Variants in HTR2C observed in about 807,000 individuals in gnomAD.
The protein encoded by HTR2C is 5-hydroxytryptamine (serotonin) receptor 2C, G protein-coupled.
A neutral mutation model predicts 21.0 loss-of-function variants in HTR2C; 5 were observed. That is an observed-to-expected ratio of 0.24 (90% confidence interval 0.12 to 0.50). The LOEUF (loss-of-function observed/expected upper bound fraction) is 0.50, where lower values mean the gene tolerates loss of function less well. HTR2C is among the 20% of genes least tolerant of loss of function. The pLI, the probability that HTR2C is intolerant of heterozygous loss-of-function variation, is 0.98. For synonymous variants in HTR2C, 150 were observed against 145.3 expected (o/e 1.03, Z -0.23); for missense variants, 271 against 371.2 (o/e 0.73, Z 2.22).
chrX:114,826,597 T>A (rs1255201262), intron 4 of HTR2C, among the ~76,000 whole-genome samples: 1 of 112,141 alleles, frequency 8.9e-6, no homozygotes, highest in Non-Finnish European at 1.9e-5. Context: ...TTCCAAAATA[T>A]CAAAATGTCC....
chrX:114,897,959 C>A lies in HTR2C; in HGVS notation c.551-8630C>A, dbSNP rs1046146415. Among the ~76,000 whole-genome samples the A allele has an allele frequency of 5.3e-5, 6 of 112,259 alleles. No individual in the cohort carries two copies. The Admixed American group carries it at 5.6e-4, about 11-fold the overall frequency. On this transcript the variant is annotated intron_variant, in intron 5 of 5. Transcript: ENST00000276198. The stretch of plus-strand genomic sequence containing the variant: ...GCTGTGTTGAGTGGTATTTCTGCCT[C>A]TGGGTCTTTAAGGAATCACCACACT...
intron 4 of HTR2C, among the ~76,000 whole-genome samples, chrX:114,809,049 C>G (rs1384778878): frequency 9.0e-6 from 1 of 110,865 alleles, no homozygotes; most frequent in Non-Finnish European, 1.9e-5. Flanking sequence ...TATTTGATGA[C>G]AAATCCAGCC....
chrX:114,857,936 T>G (rs1452982166), intron 5 of HTR2C, among the ~76,000 whole-genome samples: 1 of 111,302 alleles, frequency 9.0e-6, no homozygotes, highest in Admixed American at 9.6e-5. Context: ...AATATCCAGT[T>G]GACTCAGCAT....
intron 4 of HTR2C, among the ~76,000 whole-genome samples, chrX:114,799,060 C>G (rs2070322351): frequency 9.2e-6 from 1 of 109,009 alleles, no homozygotes; most frequent in African/African-American, 3.3e-5. Context: ...AAATAAAAAG[C>G]AATGCAGAGT....
chrX:114,844,893 A>G (rs1341360515), intron 4 of HTR2C, among the ~76,000 whole-genome samples: 1 of 111,814 alleles, frequency 8.9e-6, no homozygotes, highest in Non-Finnish European at 1.9e-5. Flanking sequence ...TTAATGGGAG[A>G]AAAAGGTAGA....
intron 1 of HTR2C, among the ~76,000 whole-genome samples, chrX:114,597,218 C>CAA (rs782280036): frequency 0.015 from 670 of 44,114 alleles, 8 homozygotes; most frequent in African/African-American, 0.056. Flanking sequence ...ATTTCATCTC[C>CAA]AAAAAAAAAA....
intron 2 of HTR2C, among the ~76,000 whole-genome samples, chrX:114,716,882 T>C (rs1346678213): frequency 1.5e-4 from 17 of 111,465 alleles, no homozygotes; most frequent in African/African-American, 5.5e-4. Context: ...TTATGGCTAA[T>C]TCATTTTTGA....
At chrX:114,652,710 G>A (rs782478694) in intron 2 of HTR2C, 1 of 378,789 alleles carries the variant, frequency 2.6e-6, no homozygotes, top group East Asian at 7.6e-5. Flanking sequence ...TCTTATTTGA[G>A]CACCTGTTAT....
chrX:114,665,041 C>T (rs1323644325), intron 2 of HTR2C, among the ~76,000 whole-genome samples: 3 of 111,970 alleles, frequency 2.7e-5, no homozygotes, highest in African/African-American at 9.7e-5. Flanking sequence ...ATTCATGTAT[C>T]GCAAATAGAA....
intron 1 of HTR2C, among the ~76,000 whole-genome samples, chrX:114,603,510 AGTT>A (rs1303544834): frequency 5.7e-5 from 6 of 105,457 alleles, no homozygotes; most frequent in African/African-American, 1.4e-4. Flanking sequence ...GAAGGAAAGG[AGTT>A]GTTGTTTTGT....
intron 2 of HTR2C, among the ~76,000 whole-genome samples, chrX:114,696,311 C>T (rs1932274545): frequency 9.0e-6 from 1 of 111,462 alleles, no homozygotes; most frequent in South Asian, 3.8e-4. Flanking sequence ...TAGGCTATGC[C>T]TATATCTGTT....
Position 114,908,385 on chromosome X carries a change from G to T in HTR2C, c.*970G>T, listed in dbSNP as rs200154762. ...CTTAATTATGGTACCTCTGTCTATAGGACTTAATTTAGCAGTCCATTTTTG... is the reference window on the plus strand; with the variant it reads ...CTTAATTATGGTACCTCTGTCTATATGACTTAATTTAGCAGTCCATTTTTG... On this transcript the variant is annotated 3_prime_UTR_variant, in exon 6 of 6. Transcript: ENST00000276198. The T allele has an allele frequency of 9.0e-6, 1 of 111,603 alleles. No homozygotes were observed. The highest frequency in any genetic ancestry group is 3.8e-4 in the South Asian group (1 of 2,638). The allele number at this position is 111,603 out of a possible 1,213,427, so 9.2% of individuals were successfully genotyped here. A position where few individuals can be genotyped will look rare whatever the true frequency, so the allele number is the denominator to read the frequency against.
intron 1 of HTR2C, among the ~76,000 whole-genome samples, chrX:114,596,053 T>C (rs1436903498): frequency 8.9e-6 from 1 of 112,098 alleles, no homozygotes; most frequent in Non-Finnish European, 1.9e-5. Context: ...CTTCTGCATT[T>C]AAAAATAATC....
chrX:114,756,751 G>T (rs1556430381), intron 4 of HTR2C, among the ~76,000 whole-genome samples: 1 of 111,672 alleles, frequency 9.0e-6, no homozygotes, highest in East Asian at 2.8e-4. Flanking sequence ...TTAATGTTCT[G>T]CCATCTTGGC....
rs181990587 is a variant in HTR2C, at chrX:114,659,996, A to G, written c.-80+46115A>G. On this transcript the variant is annotated intron_variant, in intron 2 of 5. Transcript: ENST00000276198. The stretch of plus-strand genomic sequence containing the variant: ...GGCAGAAATACTGTCTGCACCTTCC[A>G]TGACACAGGCTTTATCAAGTGATAT... Among the ~76,000 whole-genome samples the G allele has an allele frequency of 5.4e-5, 6 of 112,000 alleles. No homozygotes were observed. In the Admixed American group the frequency reaches 5.7e-4, roughly 11 times the overall value.
At chrX:114,776,193 C>G (rs2070055176) in intron 4 of HTR2C, 1 of 556,674 alleles carries the variant, frequency 1.8e-6, no homozygotes, top group African/African-American at 2.2e-5. Flanking sequence ...AAGATAAACA[C>G]ATTTCTTTCA....
At position 114,850,943 on chromosome X, in the gene HTR2C, AGC is replaced by A. The variant is rs1327031734; in HGVS notation, c.550+2741_550+2742del. 5.4e-5 allele frequency among the ~76,000 whole-genome samples: 6 copies of A among 111,729 alleles called. No individual in the cohort carries two copies. The East Asian group carries it at 1.4e-3, about 26-fold the overall frequency. Reference sequence around the variant, plus strand: ...ACACTATCCAAGAGAAAGACTGTATAGCTATATTAATATTTGTCAAAATAGAC... The same window carrying A: ...ACACTATCCAAGAGAAAGACTGTATATATATTAATATTTGTCAAAATAGAC... On this transcript the variant is annotated intron_variant, in intron 5 of 5. Transcript: ENST00000276198.
chrX:114,807,178 CATGT>C lies in HTR2C; in HGVS notation c.350-40822_350-40819del, dbSNP rs1489860291. 2.4e-4 allele frequency among the ~76,000 whole-genome samples: 3 copies of C among 12,451 alleles called. 1 individual carries two copies. The highest frequency in any genetic ancestry group is 7.5e-4 in the African/African-American group (1 of 1,342). The allele number at this position is 12,451 out of a possible 115,157, so 10.8% of individuals were successfully genotyped here. A position where few individuals can be genotyped will look rare whatever the true frequency, so the allele number is the denominator to read the frequency against. ...CCATATATATACCCCATATATACAC[CATGT>C]ATATATACACCATATATATATACAC... On this transcript the variant is annotated intron_variant, in intron 4 of 5. Transcript: ENST00000276198.
At chrX:114,687,814 C>G (rs1931967956) in intron 2 of HTR2C, among the ~76,000 whole-genome samples, 2 of 111,478 alleles carry the variant, frequency 1.8e-5, no homozygotes, top group Non-Finnish European at 3.8e-5. Flanking sequence ...CAGCTCCATT[C>G]TTGGGCAACT....
Sources: allele counts gnomAD v4.1 joint callset (sites outside exome capture counted in the v4.1 genomes callset), GRCh38; gene constraint gnomAD v4.1.1; transcripts MANE v1.5; gene names NCBI Gene and HGNC (gene_info 2026-07-23, HGNC 2026-07-21).